ADGRG4: variants seen among roughly 807,000 people sequenced by gnomAD.
ADGRG4 encodes adhesion G protein-coupled receptor G4, also known as G protein-coupled receptor 112.
ADGRG4 carries 122 observed loss-of-function variants against 126.2 expected under a neutral mutation model. The observed-to-expected ratio is 0.97, with a 90% CI of 0.83 to 1.12. The LOEUF (loss-of-function observed/expected upper bound fraction) is 1.12, where lower values mean the gene tolerates loss of function less well. Ranked by LOEUF, ADGRG4 falls within the 50% of genes most tolerant of loss-of-function variation. The pLI is 0.00. For synonymous variants in ADGRG4, 943 were observed against 838.7 expected (o/e 1.12, Z -2.15); for missense variants, 2,481 against 2,251.8 (o/e 1.10, Z -2.06).
At chrX:136,383,876 T>TTCTTCTTC (rs1556017640) in intron 15 of ADGRG4, among the ~76,000 whole-genome samples, 6 of 77,626 alleles carry the variant, frequency 7.7e-5, no homozygotes, top group African/African-American at 2.9e-4. Flanking sequence ...CTTTCTTTCT[T>TTCTTCTTC]CTTTCTTCCT....
intron 5 of ADGRG4, among the ~76,000 whole-genome samples, chrX:136,342,835 T>G (rs1286301023): frequency 9.1e-6 from 1 of 109,502 alleles, no homozygotes; most frequent in Non-Finnish European, 1.9e-5. Flanking sequence ...AGAAAAAATT[T>G]TCTTTTTATC....
intron 17 of ADGRG4, 130 bp downstream of exon 17, chrX:136,392,484 C>G: frequency 3.6e-6 from 2 of 550,911 alleles, no homozygotes; most frequent in East Asian, 7.5e-5. Flanking sequence ...TTCCAGGTAG[C>G]AAATGTGTGT....
Position 136,371,563 on chromosome X carries a change from G to A in ADGRG4, c.7613+19G>A, listed in dbSNP as rs1360967445. 1 of 982,318 alleles carries A rather than the reference G, an allele frequency of 1.0e-6. No homozygotes were observed. Among genetic ancestry groups the A allele is most frequent in the Non-Finnish European group, 1.4e-6 (1 of 733,034 alleles). The allele number at this position is 982,318 out of a possible 1,213,427, so 81.0% of individuals were successfully genotyped here. A position where few individuals can be genotyped will look rare whatever the true frequency, so the allele number is the denominator to read the frequency against. On this transcript the variant is annotated intron_variant, in intron 14 of 25. Transcript: ENST00000394143. ...GCAATGAGTAAGTACTAATACTTTG[G>A]TGAAAGACATTATTTTTAAAAAATT...
chrX:136,395,529 T>TGACAATTTTTATTA (rs1399196500), intron 19 of ADGRG4, 36 bp downstream of exon 19: 6 of 843,007 alleles, frequency 7.1e-6, no homozygotes, highest in Non-Finnish European at 8.7e-6. Context: ...GATGGAAGTT[T>TGACAATTTTTATTA]GACAATTTTT....
In ADGRG4 at chrX:136,403,326, A is replaced by T; in HGVS notation, c.8654+4A>T. The T allele has an allele frequency of 1.7e-6, 2 of 1,181,621 alleles. No individual in the cohort carries two copies. The highest frequency in any genetic ancestry group is 2.3e-6 in the Non-Finnish European group (2 of 868,158). ...CTCTGAGCCCAACAACTCCGTTGTA[A>T]GTACCAGCATCTCTGTTTCTCTGGT... is the stretch of plus-strand genomic sequence containing the variant. On this transcript the variant is annotated splice_donor_region_variant and intron_variant, in intron 22 of 25. Transcript: ENST00000394143.
chrX:136,349,519 C>T lies in ADGRG4; in HGVS notation c.5813C>T (p.Ser1938Leu). The change falls in exon 6 of 26, where the codon TCA becomes TTA. Residue 1938 changes from serine to leucine, a missense_variant. Coordinates refer to ENST00000394143, the MANE Select transcript of ADGRG4 (RefSeq NM_153834.4). ...GLVSKDVMAMSSIPMSGILPN... is the reference protein window; with the variant it reads ...GLVSKDVMAMLSIPMSGILPN... Reference sequence around the variant, plus strand: ...GTATCTAAAGATGTCATGGCAATGTCATCAATTCCTATGTCAGGAATTCTT... The same window carrying T: ...GTATCTAAAGATGTCATGGCAATGTTATCAATTCCTATGTCAGGAATTCTT... The T allele has an allele frequency of 8.3e-7, 1 of 1,206,233 alleles. No individual in the cohort carries two copies. The highest frequency in any genetic ancestry group is 1.1e-6 in the Non-Finnish European group (1 of 890,634).
chrX:136,350,219 T>G lies in ADGRG4; in HGVS notation c.6513T>G (p.Pro2171=), dbSNP rs1203731884. 1 of 1,208,002 alleles carries G rather than the reference T, an allele frequency of 8.3e-7. No individual in the cohort carries two copies. The highest frequency in any genetic ancestry group is 1.1e-6 in the Non-Finnish European group (1 of 892,065). The stretch of plus-strand genomic sequence containing the variant: ...CATCACCCTCTACTTTAATTATTCC[T>G]AAGCCCACACTGGACTCCCTTCTAA... ...TASSPSTLII[P]KPTLDSLLNI... is the part of the protein sequence containing the mutation. Residue 2171 remains proline (P), a synonymous_variant, in exon 6 of 26, where the codon CCT becomes CCG. Transcript: ENST00000394143.
At chrX:136,319,129 G>A (rs1259840078) in intron 4 of ADGRG4, among the ~76,000 whole-genome samples, 4 of 112,413 alleles carry the variant, frequency 3.6e-5, no homozygotes, top group Non-Finnish European at 5.6e-5. Context: ...TGAGAGGCGC[G>A]GCAGAGAACG....
intron 4 of ADGRG4, among the ~76,000 whole-genome samples, chrX:136,315,167 G>A (rs2074797506): frequency 9.1e-6 from 1 of 110,382 alleles, no homozygotes; most frequent in Non-Finnish European, 1.9e-5. Context: ...AGTGGAAAGT[G>A]TGGGCAGTGG....
intron 13 of ADGRG4, among the ~76,000 whole-genome samples, chrX:136,368,027 G>A (rs1293996730): frequency 2.7e-5 from 3 of 111,775 alleles, no homozygotes; most frequent in Non-Finnish European, 5.6e-5. Flanking sequence ...CATCAGGGCA[G>A]GATAGTGAGT....
chrX:136,372,788 T>C, intron 14 of ADGRG4, 114 bp from the exon 15 acceptor site: 3 of 705,494 alleles, frequency 4.3e-6, no homozygotes, highest in South Asian at 4.9e-5. Flanking sequence ...CTAAATGATA[T>C]AAAGATAGTG....
At chrX:136,342,879 A>AGTGT (rs58303622) in intron 5 of ADGRG4, among the ~76,000 whole-genome samples, 1,521 of 87,340 alleles carry the variant, frequency 0.017, 15 homozygotes, top group African/African-American at 0.035. Context: ...AAGAGAGCTC[A>AGTGT]GTGTGTGTGT....
At position 136,394,163 on chromosome X, in the gene ADGRG4, T is replaced by C. The variant is rs771127254; in HGVS notation, c.8080+583T>C. ...GAGCCCCAGTCTTTTTATCTTTTCA[T>C]TGAGGAGATGAAACTTCTTGGTTGG... On this transcript the variant is annotated intron_variant, in intron 18 of 25. Coordinates refer to ENST00000394143, the MANE Select transcript of ADGRG4 (RefSeq NM_153834.4). Among the ~76,000 whole-genome samples, 20 of 111,444 alleles carry C rather than the reference T, an allele frequency of 1.8e-4. 1 individual carries two copies. The highest frequency in any genetic ancestry group is 1.2e-3 in the South Asian group (3 of 2,603).
At chrX:136,399,689 C>A (rs2075369225) in intron 20 of ADGRG4, among the ~76,000 whole-genome samples, 159 bp from the exon 21 acceptor site, 1 of 110,293 alleles carries the variant, frequency 9.1e-6, no homozygotes, top group Non-Finnish European at 1.9e-5. Flanking sequence ...ATTTATTATG[C>A]TTCGACTTTA....
chrX:136,388,012 T>C, intron 16 of ADGRG4, 138 bp downstream of exon 16: 1 of 549,691 alleles, frequency 1.8e-6, no homozygotes, highest in Non-Finnish European at 2.9e-6. Context: ...ACACAACCCC[T>C]GCCCCTTAAC....
At chrX:136,387,064 C>T (rs2075295661) in intron 15 of ADGRG4, among the ~76,000 whole-genome samples, 1 of 111,719 alleles carries the variant, frequency 9.0e-6, no homozygotes. Flanking sequence ...GAACTCACAG[C>T]CTCAAGCCCT....
rs200523694 is a variant in ADGRG4, at chrX:136,414,171, C to T, written c.9049C>T (p.Arg3017Trp). Residue 3017 changes from arginine to tryptophan, a missense_variant, in exon 25 of 26, where the codon CGG becomes TGG. By Grantham distance (101) the Arg-to-Trp change is moderately radical (BLOSUM62 -3). Transcript: ENST00000394143. ...RLDNSSDGSS[R>W]CQIKVGYKQE... ...TGGTATCATTTCAGATGGGAGCAGCCGGTGTCAGATAAAGGTTGGATATAA... is the reference window on the plus strand; with the variant it reads ...TGGTATCATTTCAGATGGGAGCAGCTGGTGTCAGATAAAGGTTGGATATAA... The T allele has an allele frequency of 4.9e-5, 58 of 1,193,502 alleles. No individual in the cohort carries two copies. The highest frequency in any genetic ancestry group is 2.3e-4 in the Middle Eastern group (1 of 4,306).
intron 5 of ADGRG4, 58 bp downstream of exon 5, chrX:136,323,450 T>C: frequency 9.5e-7 from 1 of 1,047,822 alleles, no homozygotes; most frequent in Non-Finnish European, 1.3e-6. Context: ...AGTACTTCTC[T>C]GCTAGCAGTG....
intron 4 of ADGRG4, among the ~76,000 whole-genome samples, chrX:136,314,014 C>T (rs1313850846): frequency 2.7e-5 from 3 of 111,704 alleles, no homozygotes; most frequent in Non-Finnish European, 5.6e-5. Context: ...TCACTCTCCA[C>T]ATCTAATCCA....
Sources: gnomAD v4.1 joint callset for allele counts (sites outside exome capture counted in the v4.1 genomes callset) on GRCh38, gnomAD v4.1.1 for gene constraint, MANE v1.5 for transcripts, NCBI Gene and HGNC (gene_info 2026-07-23, HGNC 2026-07-21) for gene names.